The following KIAA0319L variants were observed in gnomAD, a reference collection of about 807,000 sequenced individuals.
KIAA0319L encodes the protein KIAA0319 like.
Under a neutral mutation model 120.1 loss-of-function variants are expected in KIAA0319L, and 55 were observed. The ratio of observed to expected loss-of-function variants is 0.46; its 90% confidence interval spans 0.37 to 0.57. The LOEUF (loss-of-function observed/expected upper bound fraction) is 0.57. Among genes scored for constraint, KIAA0319L ranks in the 20% least tolerant of loss-of-function variants. The probability of loss-of-function intolerance (pLI) is 0.00; values close to 1 mark genes in which losing one functional copy is unlikely to be tolerated. For synonymous variants in KIAA0319L, 398 were observed against 471.9 expected, an observed-to-expected ratio of 0.84 and a Z score of 2.03; for missense variants, 1,049 against 1,255.3, an observed-to-expected ratio of 0.84 and a Z score of 2.48.
intron 2 of KIAA0319L, among the ~76,000 whole-genome samples, chr1:35,527,140 G>A (rs1330654058): frequency 1.3e-5 from 2 of 149,942 alleles, no homozygotes; most frequent in South Asian, 2.1e-4. Flanking sequence ...TCTGCCTATT[G>A]AGATAATCAC....
At chr1:35,540,625 G>A (rs1646750750) in intron 2 of KIAA0319L, among the ~76,000 whole-genome samples, 1 of 152,200 alleles carries the variant, frequency 6.6e-6, no homozygotes, top group South Asian at 2.1e-4. Flanking sequence ...AGGAAAACTG[G>A]AGATATACCA....
intron 5 of KIAA0319L, among the ~76,000 whole-genome samples, chr1:35,474,035 A>G (rs1558396106): frequency 6.6e-6 from 1 of 152,226 alleles, no homozygotes; most frequent in Non-Finnish European, 1.5e-5. Flanking sequence ...AATCATCCAT[A>G]CTTTATATAT....
At chr1:35,524,988 TCC>T (rs1445961803) in intron 2 of KIAA0319L, among the ~76,000 whole-genome samples, 1 of 152,136 alleles carries the variant, frequency 6.6e-6, no homozygotes, top group Non-Finnish European at 1.5e-5. Context: ...CCTCTCCTCA[TCC>T]CCCTACATGC....
intron 2 of KIAA0319L, among the ~76,000 whole-genome samples, chr1:35,538,879 G>A (rs755846274): frequency 4.8e-4 from 73 of 151,578 alleles, no homozygotes; most frequent in Non-Finnish European, 7.1e-4. Flanking sequence ...TGACAGAAAT[G>A]AAAATATGGG....
At chr1:35,543,683 A>G (rs967243016) in intron 2 of KIAA0319L, among the ~76,000 whole-genome samples, 1 of 152,206 alleles carries the variant, frequency 6.6e-6, no homozygotes, top group East Asian at 1.9e-4. Context: ...TGCCAGGGAC[A>G]CTTACTTGGG....
intron 13 of KIAA0319L, among the ~76,000 whole-genome samples, chr1:35,450,726 G>A (rs1468448447): frequency 6.6e-6 from 1 of 152,144 alleles, no homozygotes; most frequent in African/African-American, 2.4e-5. Flanking sequence ...TCCTAACACT[G>A]TACAACAGAG....
chr1:35,450,258 G>T (rs1391705067), intron 14 of KIAA0319L, 100 bp downstream of exon 14: 2 of 1,279,646 alleles, frequency 1.6e-6, no homozygotes, highest in Non-Finnish European at 2.2e-6. Flanking sequence ...GAACAATCTG[G>T]GTTTGATATA....
At chr1:35,449,412 T>TATC (rs1641878782) in intron 15 of KIAA0319L, among the ~76,000 whole-genome samples, 1 of 152,252 alleles carries the variant, frequency 6.6e-6, no homozygotes, top group South Asian at 2.1e-4. Context: ...TTCCCTGGAT[T>TATC]ATCAGACAAG....
chr1:35,469,649 C>T (rs1643488572), intron 6 of KIAA0319L, among the ~76,000 whole-genome samples: 1 of 151,876 alleles, frequency 6.6e-6, no homozygotes, highest in South Asian at 2.1e-4. Context: ...TCTAAGAAAT[C>T]CACTCTACCT....
rs1010440640 is a variant in KIAA0319L at position 35,442,493 on chromosome 1, C to G, written c.2780-157G>C. On this transcript the variant is annotated intron_variant, in intron 18 of 20. Coordinates refer to ENST00000325722, the MANE Select transcript of KIAA0319L (RefSeq NM_024874.5). The stretch of plus-strand genomic sequence containing the variant: ...ACCTTGGAGTTAAGGGCAGCTGAAG[C>G]TTTAAACCTTTTGAAATGTCCCTGC... 9.2e-5 allele frequency among the ~76,000 whole-genome samples: 14 copies of G among 152,130 alleles called. 1 individual carries two copies. The East Asian group carries it at 2.7e-3, about 29-fold the overall frequency.
Position 35,532,218 on chromosome 1 carries a change from G to A in KIAA0319L, c.142+22132C>T, listed in dbSNP as rs549758215. ...ATTGTGCCACTACACTCCAGCCTGG[G>A]CGACAGAGTGAGACTCCGTCTCAAA... On this transcript the variant is annotated intron_variant, in intron 2 of 20. Transcript: ENST00000325722. 2.6e-3 allele frequency among the ~76,000 whole-genome samples: 389 copies of A among 151,214 alleles called. 2 individuals carry two copies. Among genetic ancestry groups the A allele is most frequent in the African/African-American group, 9.1e-3 (373 of 41,148 alleles).
Position 35,554,386 on chromosome 1 carries a change from T to C in KIAA0319L, c.106A>G (p.Thr36Ala). 2 of 1,611,032 alleles carry C rather than the reference T, an allele frequency of 1.2e-6. No individual in the cohort carries two copies. The highest frequency in any genetic ancestry group is 1.1e-5 in the South Asian group (1 of 90,262). The change falls in exon 2 of 21, where the codon ACT becomes GCT. Residue 36 changes from threonine to alanine, a missense_variant. Physicochemically the swap from Thr to Ala is moderately conservative, Grantham distance 58. Coordinates refer to ENST00000325722, the MANE Select transcript of KIAA0319L (RefSeq NM_024874.5). ...CACAGAACGCTGAAGCAAAAGCAAG[T>C]ATAAAACAGGTACAGGCTTCTCAAC... ...KWLRSLYLFY[T>A]CFCFSVLWLS...
At chr1:35,552,709 G>A (rs1437810397) in intron 2 of KIAA0319L, among the ~76,000 whole-genome samples, 3 of 152,068 alleles carry the variant, frequency 2.0e-5, no homozygotes, top group African/African-American at 7.2e-5. Context: ...TTGGAGGATC[G>A]ACTGAAGCCA....
intron 3 of KIAA0319L, among the ~76,000 whole-genome samples, chr1:35,484,584 A>G (rs1644290856): frequency 6.6e-6 from 1 of 152,092 alleles, no homozygotes; most frequent in African/African-American, 2.4e-5. Flanking sequence ...TCATCTGTGA[A>G]TAAAGGCAGT....
chr1:35,554,323 AT>A, intron 2 of KIAA0319L, 26 bp downstream of exon 2: 2 of 1,507,876 alleles, frequency 1.3e-6, no homozygotes, highest in Non-Finnish European at 1.8e-6. Context: ...AAAAAAAAAA[AT>A]CTTAAATCTA....
intron 8 of KIAA0319L, among the ~76,000 whole-genome samples, chr1:35,461,014 T>C (rs1185903915): frequency 2.0e-5 from 3 of 152,208 alleles, no homozygotes; most frequent in African/African-American, 4.8e-5. Context: ...GGTAACATTG[T>C]TTGTAATAGC....
At chr1:35,536,820 A>C (rs1646589942) in intron 2 of KIAA0319L, among the ~76,000 whole-genome samples, 1 of 151,320 alleles carries the variant, frequency 6.6e-6, no homozygotes, top group South Asian at 2.1e-4. Context: ...CCAGTCATCA[A>C]GGGCTTTATA....
chr1:35,491,504 T>A (rs2148353700), intron 3 of KIAA0319L, among the ~76,000 whole-genome samples: 1 of 152,158 alleles, frequency 6.6e-6, no homozygotes, highest in African/African-American at 2.4e-5. Flanking sequence ...CTAGAGCAGA[T>A]ATCTCAACTG....
In KIAA0319L at chr1:35,474,910, G is replaced by A. The variant is rs1486666001; in HGVS notation, c.914-4C>T. On this transcript the variant is annotated splice_region_variant and splice_polypyrimidine_tract_variant and intron_variant, in intron 4 of 20. Coordinates refer to ENST00000325722, the MANE Select transcript of KIAA0319L (RefSeq NM_024874.5). Reference sequence around the variant, plus strand: ...GATACCACCAGTTCCTTTATAACTGGAAACAAAGTAAATATACCAGAGATA... The same window carrying A: ...GATACCACCAGTTCCTTTATAACTGAAAACAAAGTAAATATACCAGAGATA... 1.3e-6 allele frequency: 2 copies of A among 1,507,942 alleles called. No homozygotes were observed. Among genetic ancestry groups the A allele is most frequent in the Admixed American group, 1.7e-5 (1 of 58,932 alleles). 93.4% of individuals were successfully genotyped at this position (1,507,942 alleles called of 1,614,324 possible).
Sources: gnomAD v4.1 joint callset for allele counts (sites outside exome capture counted in the v4.1 genomes callset) on GRCh38, gnomAD v4.1.1 for gene constraint, MANE v1.5 for transcripts, NCBI Gene and HGNC (gene_info 2026-07-23, HGNC 2026-07-21) for gene names.